SHPRH: variants seen among roughly 807,000 people sequenced by gnomAD.
SHPRH encodes the protein E3 ubiquitin-protein ligase SHPRH.
SHPRH carries 106 observed loss-of-function variants against 202.5 expected under a neutral mutation model. The observed-to-expected ratio is 0.52, with a 90% CI of 0.45 to 0.62. The LOEUF (loss-of-function observed/expected upper bound fraction) is 0.62, where lower values mean the gene tolerates loss of function less well. Ranked by LOEUF, SHPRH falls within the 20% of genes least tolerant of loss-of-function variation. SHPRH has a pLI of 0.00. For synonymous variants in SHPRH, 729 were observed against 686.0 expected (o/e 1.06, Z -0.98); for missense variants, 1,710 against 2,020.0 (o/e 0.85, Z 2.94).
intron 16 of SHPRH, among the ~76,000 whole-genome samples, 160 bp downstream of exon 16, chr6:145,926,044 C>T (rs1784848424): frequency 6.6e-6 from 1 of 151,962 alleles, no homozygotes; most frequent in Non-Finnish European, 1.5e-5. Flanking sequence ...TGCTGCCATT[C>T]TCTGCTACCC....
chr6:145,934,170 C>G (rs1785778024), intron 13 of SHPRH, among the ~76,000 whole-genome samples: 1 of 151,854 alleles, frequency 6.6e-6, no homozygotes, highest in Non-Finnish European at 1.5e-5. Flanking sequence ...GAGGCCCTGT[C>G]TCTACAAAAA....
intron 28 of SHPRH, among the ~76,000 whole-genome samples, chr6:145,889,488 T>C (rs545609672): frequency 3.7e-4 from 56 of 152,218 alleles, no homozygotes; most frequent in African/African-American, 1.3e-3. Flanking sequence ...ACTTTTTGAG[T>C]GCCAACGTGA....
At chr6:145,951,316 A>G (rs1182213667) in intron 3 of SHPRH, among the ~76,000 whole-genome samples, 1 of 152,120 alleles carries the variant, frequency 6.6e-6, no homozygotes, top group Non-Finnish European at 1.5e-5. Flanking sequence ...AAAGAGGCCT[A>G]TATACTTTTA....
At chr6:145,954,397 A>AGAGACAAAATCG (rs1788282194) in intron 2 of SHPRH, among the ~76,000 whole-genome samples, 1 of 152,178 alleles carries the variant, frequency 6.6e-6, no homozygotes, top group Non-Finnish European at 1.5e-5. Flanking sequence ...AAGCATTTGA[A>AGAGACAAAATCG]AAGGCAAAAT....
In SHPRH at chr6:145,921,379, T is replaced by C; in HGVS notation, c.3796A>G (p.Thr1266Ala). 6.2e-7 allele frequency: 1 copy of C among 1,612,396 alleles called. No homozygotes were observed. Among genetic ancestry groups the C allele is most frequent in the Non-Finnish European group, 8.5e-7 (1 of 1,179,028 alleles). Residue 1266 changes from threonine to alanine, a missense_variant, in exon 21 of 30, where the codon ACT (threonine) becomes GCT (alanine). Coordinates refer to ENST00000275233, the MANE Select transcript of SHPRH (RefSeq NM_001042683.3). ...TCTATCATCTCCTCAAATATTGCAGTCTGGCCTTTGACTCTGAAAACATAC... is the reference window on the plus strand; with the variant it reads ...TCTATCATCTCCTCAAATATTGCAGCCTGGCCTTTGACTCTGAAAACATAC... The part of the protein sequence containing the change: ...KLFSNTVKGQ[T>A]AIFEEMIEDE...
chr6:145,902,614 T>C (rs1782597407), intron 25 of SHPRH, among the ~76,000 whole-genome samples: 1 of 150,866 alleles, frequency 6.6e-6, no homozygotes, highest in African/African-American at 2.4e-5. Flanking sequence ...GAAGTGCTTT[T>C]CATGCACTGA....
chr6:145,910,358 T>C, intron 25 of SHPRH, 90 bp downstream of exon 25: 1 of 1,432,822 alleles, frequency 7.0e-7, no homozygotes, highest in Non-Finnish European at 9.6e-7. Context: ...CTGTCAAGCT[T>C]GTTCTGATGT....
At chr6:145,913,786 T>C (rs995484552) in intron 23 of SHPRH, among the ~76,000 whole-genome samples, 11 of 152,176 alleles carry the variant, frequency 7.2e-5, no homozygotes, top group African/African-American at 2.4e-4. Context: ...ATCACACAGG[T>C]TGAATATCCC....
At chr6:145,875,769 T>A (rs2128695172) in intron 2 of SHPRH, among the ~76,000 whole-genome samples, 1 of 152,278 alleles carries the variant, frequency 6.6e-6, no homozygotes, top group Admixed American at 6.5e-5. Flanking sequence ...GCTCTTCAGT[T>A]GAGTTTCAAT....
intron 1 of SHPRH, among the ~76,000 whole-genome samples, chr6:145,959,654 G>T (rs4280983): frequency 6.6e-6 from 1 of 152,080 alleles, no homozygotes; most frequent in Admixed American, 6.5e-5. Flanking sequence ...GCTCAGTAGC[G>T]CTATGTGACT....
intron 25 of SHPRH, among the ~76,000 whole-genome samples, chr6:145,896,575 A>G (rs1046017292): frequency 7.9e-5 from 12 of 152,082 alleles, no homozygotes; most frequent in Non-Finnish European, 1.8e-4. Flanking sequence ...GGTAGTGCTC[A>G]ATGATCCCTT....
Position 145,910,517 on chromosome 6 carries a change from T to C in SHPRH, c.4446A>G (p.Thr1482=), listed in dbSNP as rs1295617648. The C allele has an allele frequency of 1.2e-6, 2 of 1,613,030 alleles. No individual in the cohort carries two copies. Among genetic ancestry groups the C allele is most frequent in the East Asian group, 4.5e-5 (2 of 44,848 alleles). Residue 1482 remains threonine, a synonymous_variant, in exon 25 of 30, where the codon ACA becomes ACG. Coordinates refer to ENST00000275233, the MANE Select transcript of SHPRH (RefSeq NM_001042683.3). ...AGACATACGAGATTTCTTTGTGAGA[T>C]GTGGTCTGGCGGCAGATTGCACACT... ...SIKCAICRQT[T]SHKEISYVFT...
At chr6:145,862,293 CA>C (rs1004641382), downstream of SHPRH, among the ~76,000 whole-genome samples, 468 of 144,922 alleles carry the variant, frequency 3.2e-3, 1 homozygote, top group African/African-American at 8.6e-3. Flanking sequence ...ACTAAAAATA[CA>C]AAAAAAAAAA....
Position 145,892,923 on chromosome 6 carries a change from CT to C in SHPRH, c.4874+291del, listed in dbSNP as rs1421738989. On this transcript the variant is annotated intron_variant, in intron 28 of 29. Transcript: ENST00000275233. ...AGCTGTCTTAAGTATTTCTAACAAGCTTTTTTTTGGATAAAGTGATAAGGTT... is the reference window on the plus strand; with the variant it reads ...AGCTGTCTTAAGTATTTCTAACAAGCTTTTTTTGGATAAAGTGATAAGGTT... Among the ~76,000 whole-genome samples, 3 of 151,360 alleles carry C rather than the reference CT, an allele frequency of 2.0e-5. No homozygotes were observed. The South Asian group carries it at 6.3e-4, about 32-fold the overall frequency.
chr6:145,881,398 G>A (rs951104035), downstream of SHPRH, among the ~76,000 whole-genome samples: 3 of 152,202 alleles, frequency 2.0e-5, no homozygotes, highest in Admixed American at 6.5e-5. Flanking sequence ...TGGCAGGCAA[G>A]AGACTTGTGT....
intron 11 of SHPRH, among the ~76,000 whole-genome samples, chr6:145,939,314 T>C (rs961092705): frequency 2.6e-5 from 4 of 152,218 alleles, no homozygotes; most frequent in African/African-American, 7.2e-5. Context: ...CATATATTCA[T>C]GGCTACAAAT....
At chr6:145,923,809 C>A in intron 17 of SHPRH, 24 bp from the exon 18 acceptor site, 1 of 1,599,030 alleles carries the variant, frequency 6.3e-7, no homozygotes, top group Non-Finnish European at 8.5e-7. Flanking sequence ...AGCAGTTAAT[C>A]AATTAATACA....
chr6:145,910,215 TCA>T, intron 25 of SHPRH: 4 of 418,874 alleles, frequency 9.5e-6, no homozygotes, highest in Non-Finnish European at 1.3e-5. Flanking sequence ...TACATTTTAG[TCA>T]CAGTGTACAT....
rs1480611892 is a variant in SHPRH at position 145,922,365 on chromosome 6, TA to T, written c.3720-18del. Reference sequence around the variant, plus strand: ...AAGACACAGCTGAAAAAAAAGAGATTAACAGAAATATTCACAAACATAACCA... The same window carrying T: ...AAGACACAGCTGAAAAAAAAGAGATTACAGAAATATTCACAAACATAACCA... On this transcript the variant is annotated intron_variant, in intron 19 of 29. Transcript: ENST00000275233. 6.4e-7 allele frequency: 1 copy of T among 1,552,288 alleles called. No individual in the cohort carries two copies. The highest frequency in any genetic ancestry group is 1.4e-5 in the African/African-American group (1 of 69,486).
Sources: gnomAD v4.1 joint callset for allele counts (sites outside exome capture counted in the v4.1 genomes callset) on GRCh38, gnomAD v4.1.1 for gene constraint, MANE v1.5 for transcripts, NCBI Gene and HGNC (gene_info 2026-07-23, HGNC 2026-07-21) for gene names.